Variants in CCL15 observed in about 807,000 individuals in gnomAD.
CCL15 encodes C-C motif chemokine 15.
Under a neutral mutation model 10.6 loss-of-function variants are expected in CCL15, and 8 were observed. The observed-to-expected ratio is 0.75, with a 90% confidence interval of 0.44 to 1.36. The LOEUF is 1.36. Among genes scored for constraint, CCL15 ranks in the 40% most tolerant of loss-of-function variants. The pLI is 0.00. For missense variants in CCL15, 128 were observed against 136.6 expected (o/e 0.94, Z 0.32); for synonymous variants, 51 against 48.8 (o/e 1.04, Z -0.19).
rs1203878776 is a variant in CCL15, at chr17:35,998,891, T to G, written c.111A>C (p.Pro37=). The G allele has an allele frequency of 6.2e-7, 1 of 1,614,078 alleles. No individual in the cohort carries two copies. Residue 37 remains proline (P), a synonymous_variant, in exon 2 of 4, where the codon CCA becomes CCC. Coordinates refer to ENST00000617897, the MANE Select transcript of CCL15 (RefSeq NM_032965.6). ...AETELMMSKL[P]LENPVVLNSF... Reference sequence around the variant, plus strand: ...TGTTCAGAACTACTGGATTTTCCAGTGGAAGCTTTGACATCATTAACTCTG... The same window carrying G: ...TGTTCAGAACTACTGGATTTTCCAGGGGAAGCTTTGACATCATTAACTCTG...
In CCL15 at chr17:35,998,366, G is replaced by A. The variant is rs1324751381; in HGVS notation, c.162C>T (p.Cys54=). The change falls in exon 3 of 4, where the codon TGC becomes TGT. Residue 54 remains cysteine, a synonymous_variant. Transcript: ENST00000617897. ...GGATGCTTTGTGAGATGTAGGAGGT[G>A]CAGCAGTCAGCAGCAAAGTGAAAGC... ...LNSFHFAADC[C]TSYISQSIPC... 2.5e-6 allele frequency: 4 copies of A among 1,613,738 alleles called. No individual in the cohort carries two copies. The African/African-American group carries it at 5.3e-5, about 22-fold the overall frequency.
At chr17:36,001,370 G>C (rs993525062) in intron 1 of CCL15, 47 bp downstream of exon 1, 12 of 1,611,482 alleles carry the variant, frequency 7.4e-6, no homozygotes, top group Non-Finnish European at 1.0e-5. Context: ...CCCAGAGCTT[G>C]AGTTACCATG....
At chr17:36,001,084 G>A (rs1161068084) in intron 1 of CCL15, among the ~76,000 whole-genome samples, 1 of 152,128 alleles carries the variant, frequency 6.6e-6, no homozygotes, top group East Asian at 1.9e-4. Flanking sequence ...GTAGATAGCA[G>A]TTCTAGCACC....
chr17:35,998,450 G>T (rs2089945081), intron 2 of CCL15, 59 bp from the exon 3 acceptor site: 3 of 1,152,926 alleles, frequency 2.6e-6, no homozygotes, highest in African/African-American at 1.5e-5. Flanking sequence ...GCACAGTGGA[G>T]GGTGAGAAGG....
At chr17:35,998,824 C>A (rs778555397) in intron 2 of CCL15, 42 bp downstream of exon 2, 2 of 1,501,792 alleles carry the variant, frequency 1.3e-6, no homozygotes, top group South Asian at 1.1e-5. Flanking sequence ...AGACCTGCAC[C>A]TGCTGGCTGC....
Position 35,997,920 on chromosome 17 carries a change from C to T in CCL15, c.249-60G>A, listed in dbSNP as rs1369341727. ...GGTGTGGGCAGATGGAGACAGGGGG[C>T]CCCATCCTCCCTGCTCCTCAGATTT... On this transcript the variant is annotated intron_variant, in intron 3 of 3. Coordinates refer to ENST00000617897, the MANE Select transcript of CCL15 (RefSeq NM_032965.6). The T allele has an allele frequency of 4.5e-6, 5 of 1,122,200 alleles. No individual in the cohort carries two copies. In the African/African-American group the frequency reaches 6.1e-5, roughly 14 times the overall value. 69.5% of individuals were successfully genotyped at this position (1,122,200 alleles called of 1,614,324 possible).
In CCL15 at chr17:35,998,944, G is replaced by A. The variant is rs771760068; in HGVS notation, c.77-19C>T. ...TCTGCATCTGAAAGAAACAGTACAG[G>A]GAAGGAAATCACTGGGTGGCAGCAG... On this transcript the variant is annotated intron_variant, in intron 1 of 3. Transcript: ENST00000617897. The A allele has an allele frequency of 6.2e-7, 1 of 1,608,144 alleles. No homozygotes were observed.
chr17:35,998,953 T>C (rs1461978427), intron 1 of CCL15, 28 bp from the exon 2 acceptor site: 3 of 1,589,008 alleles, frequency 1.9e-6, no homozygotes, highest in African/African-American at 1.3e-5. Flanking sequence ...GGGAAGGAAA[T>C]CACTGGGTGG....
rs891372400 is a variant in CCL15, at chr17:36,001,484, G to C, written c.9C>G (p.Val3=). ...TGAGGCAGGAGAGGGCAGCCACGGA[G>C]ACCTTCATCCTCCTGGTGGGCAGGC... The part of the protein sequence containing the change: MK[V]SVAALSCLML... The change falls in exon 1 of 4, where the codon GTC becomes GTG. Residue 3 remains valine (V), a synonymous_variant. Coordinates refer to ENST00000617897, the MANE Select transcript of CCL15 (RefSeq NM_032965.6). 8 of 1,613,542 alleles carry C rather than the reference G, an allele frequency of 5.0e-6. No individual in the cohort carries two copies. The highest frequency in any genetic ancestry group is 5.9e-6 in the Non-Finnish European group (7 of 1,180,012).
intron 1 of CCL15, among the ~76,000 whole-genome samples, chr17:36,000,462 CA>C (rs71157588): frequency 0.17 from 8,371 of 49,214 alleles, 272 homozygotes; most frequent in East Asian, 0.37. Context: ...AACTCCATCT[CA>C]AAAAAAAAAA....
Position 35,999,802 on chromosome 17 carries a change from A to G in CCL15, c.77-877T>C, listed in dbSNP as rs1266691484. ...AAACCAGAGAAATTCTGTATTCCAA[A>G]ATACATCTAGCCTGATAGGATTTTG... On this transcript the variant is annotated intron_variant, in intron 1 of 3. Transcript: ENST00000617897. 4.6e-5 allele frequency among the ~76,000 whole-genome samples: 7 copies of G among 152,008 alleles called. No homozygotes were observed. In the South Asian group the frequency reaches 1.2e-3, roughly 27 times the overall value.
intron 1 of CCL15, among the ~76,000 whole-genome samples, chr17:36,000,462 C>CAAAAA (rs71157588): frequency 2.0e-5 from 1 of 49,070 alleles, no homozygotes; most frequent in Non-Finnish European, 4.6e-5. Context: ...AACTCCATCT[C>CAAAAA]AAAAAAAAAA....
chr17:35,999,270 C>G (rs2142012628), intron 1 of CCL15, among the ~76,000 whole-genome samples: 2 of 152,302 alleles, frequency 1.3e-5, no homozygotes, highest in Admixed American at 1.3e-4. Context: ...TTATAGGGCT[C>G]TGGAAACAGA....
Position 35,998,386 on chromosome 17 carries a change from G to C in CCL15, c.142C>G (p.His48Asp). 6.2e-7 allele frequency: 1 copy of C among 1,611,296 alleles called. No homozygotes were observed. Among genetic ancestry groups the C allele is most frequent in the East Asian group, 2.2e-5 (1 of 44,854 alleles). Residue 48 changes from histidine (H) to aspartate (D), a missense_variant, in exon 3 of 4, where the codon CAC (histidine) becomes GAC (aspartate). Transcript: ENST00000617897. ...GAGGTGCAGCAGTCAGCAGCAAAGTGAAAGCCTGCAGCAAGAGAAAGCGTC... is the reference window on the plus strand; with the variant it reads ...GAGGTGCAGCAGTCAGCAGCAAAGTCAAAGCCTGCAGCAAGAGAAAGCGTC... ...LENPVVLNSF[H>D]FAADCCTSYI... is the part of the protein sequence containing the mutation.
chr17:36,001,472 G>T lies in CCL15; in HGVS notation c.21C>A (p.Ala7=). The T allele has an allele frequency of 1.2e-6, 2 of 1,613,844 alleles. No homozygotes were observed. The highest frequency in any genetic ancestry group is 1.7e-6 in the Non-Finnish European group (2 of 1,179,996). The part of the protein sequence containing the change: MKVSVA[A]LSCLMLVAVL... The stretch of plus-strand genomic sequence containing the variant: ...CAGCAACAAGCATGAGGCAGGAGAG[G>T]GCAGCCACGGAGACCTTCATCCTCC... Residue 7 remains alanine, a synonymous_variant, in exon 1 of 4, where the codon GCC becomes GCA. Coordinates refer to ENST00000617897, the MANE Select transcript of CCL15 (RefSeq NM_032965.6).
In CCL15 at chr17:35,997,679, C is replaced by T; in HGVS notation, c.*88G>A. The T allele has an allele frequency of 1.3e-6, 1 of 773,842 alleles. No individual in the cohort carries two copies. Among genetic ancestry groups the T allele is most frequent in the East Asian group, 2.6e-5 (1 of 37,752 alleles). The allele number at this position is 773,842 out of a possible 1,614,324, so 47.9% of individuals were successfully genotyped here. On this transcript the variant is annotated 3_prime_UTR_variant, in exon 4 of 4. Transcript: ENST00000617897. ...GCATTACTTTCATTACCAGACACAA[C>T]AATATATATATTTTTTAAGTATTTC...
intron 1 of CCL15, among the ~76,000 whole-genome samples, chr17:35,999,986 C>T (rs1406791729): frequency 6.7e-6 from 1 of 150,064 alleles, no homozygotes. Flanking sequence ...CCCATCTCTA[C>T]TAAAAATACA....
At chr17:35,998,150 G>A in intron 3 of CCL15, 130 bp downstream of exon 3, 1 of 660,644 alleles carries the variant, frequency 1.5e-6, no homozygotes, top group Non-Finnish European at 2.7e-6. Flanking sequence ...TCCTCGTAAG[G>A]ACACAGCTGC....
chr17:35,999,716 A>G (rs1228521671), intron 1 of CCL15, among the ~76,000 whole-genome samples: 1 of 152,062 alleles, frequency 6.6e-6, no homozygotes, highest in Non-Finnish European at 1.5e-5. Context: ...CTCCTAGCTC[A>G]GCCTCCCAAA....
Sources: allele counts gnomAD v4.1 joint callset (sites outside exome capture counted in the v4.1 genomes callset), GRCh38; gene constraint gnomAD v4.1.1; transcripts MANE v1.5; gene names NCBI Gene and HGNC (gene_info 2026-07-23, HGNC 2026-07-21).